Variants in DPP10 observed in about 807,000 individuals in gnomAD.
DPP10 encodes the protein inactive dipeptidyl peptidase 10.
In DPP10, 33 loss-of-function variants were observed where a neutral mutation model predicts 120.9. That is an observed-to-expected ratio of 0.27 (90% CI 0.21 to 0.37). The LOEUF (loss-of-function observed/expected upper bound fraction) is 0.37, where lower values mean the gene tolerates loss of function less well. DPP10 is among the 10% of genes least tolerant of loss of function. DPP10 has a pLI of 1.00. For synonymous variants in DPP10, 337 were observed against 326.1 expected, an observed-to-expected ratio of 1.03 and a Z score of -0.36; for missense variants, 816 against 942.8, an observed-to-expected ratio of 0.87 and a Z score of 1.76.
chr2:114,488,673 C>CT (rs1257646646), intron 1 of DPP10, among the ~76,000 whole-genome samples: 2 of 152,068 alleles, frequency 1.3e-5, no homozygotes, highest in Non-Finnish European at 2.9e-5. Flanking sequence ...TTATTTTGGC[C>CT]CAAGGATCTC....
chr2:115,024,993 T>C (rs1416578531), intron 1 of DPP10, among the ~76,000 whole-genome samples: 1 of 151,788 alleles, frequency 6.6e-6, no homozygotes, highest in Non-Finnish European at 1.5e-5. Flanking sequence ...CTTTAACATA[T>C]ACATATATTT....
rs370833735 is a variant in DPP10, at chr2:115,836,577, G to A, written c.2109+12G>A. The A allele has an allele frequency of 1.1e-5, 18 of 1,612,654 alleles. No homozygotes were observed. The highest frequency in any genetic ancestry group is 1.4e-5 in the Non-Finnish European group (16 of 1,179,604). On this transcript the variant is annotated intron_variant, in intron 23 of 25. Coordinates refer to ENST00000410059, the MANE Select transcript of DPP10 (RefSeq NM_020868.6). ...AAAGCACTTACCAGGTAACTAATTT[G>A]AAAATAACAAAGAAAGAGGAGTATT... is the stretch of plus-strand genomic sequence containing the variant.
intron 5 of DPP10, among the ~76,000 whole-genome samples, chr2:115,686,502 A>T (rs957887423): frequency 6.6e-6 from 1 of 152,078 alleles, no homozygotes; most frequent in Non-Finnish European, 1.5e-5. Flanking sequence ...TTGCTAATTC[A>T]GTGTTTATGC....
At chr2:115,090,267 C>T (rs774834135) in intron 1 of DPP10, among the ~76,000 whole-genome samples, 26 of 152,232 alleles carry the variant, frequency 1.7e-4, no homozygotes, top group Non-Finnish European at 2.6e-4. Context: ...ATTTATCATA[C>T]GACATTCTGG....
intron 1 of DPP10, among the ~76,000 whole-genome samples, chr2:115,104,396 T>C (rs1427017302): frequency 6.6e-6 from 1 of 152,100 alleles, no homozygotes. Context: ...TAGAGTGAGA[T>C]ATTACTTACA....
intron 1 of DPP10, among the ~76,000 whole-genome samples, chr2:114,617,550 T>C (rs1693765781): frequency 6.6e-6 from 1 of 152,100 alleles, no homozygotes; most frequent in Non-Finnish European, 1.5e-5. Flanking sequence ...TTAGGACTCA[T>C]GCTAAAATCA....
chr2:114,473,715 C>A (rs1680130545), intron 1 of DPP10, among the ~76,000 whole-genome samples: 3 of 152,126 alleles, frequency 2.0e-5, no homozygotes, highest in South Asian at 4.2e-4. Context: ...ACAATGTAAC[C>A]TTTAAATTGA....
intron 1 of DPP10, among the ~76,000 whole-genome samples, chr2:115,164,876 A>G (rs760396156): frequency 2.0e-5 from 3 of 152,190 alleles, no homozygotes; most frequent in Non-Finnish European, 2.9e-5. Context: ...CCGTGTAGGG[A>G]CCGTGTATTT....
At chr2:115,316,100 T>C (rs2061778603) in intron 2 of DPP10, among the ~76,000 whole-genome samples, 1 of 152,192 alleles carries the variant, frequency 6.6e-6, no homozygotes, top group Non-Finnish European at 1.5e-5. Flanking sequence ...TAAACATTTA[T>C]GTATATCTTT....
intron 3 of DPP10, among the ~76,000 whole-genome samples, chr2:115,381,796 G>A (rs543474865): frequency 2.6e-5 from 4 of 151,724 alleles, no homozygotes; most frequent in African/African-American, 7.3e-5. Context: ...CTGCAGGTCT[G>A]TTGGAGTACC....
chr2:114,904,769 G>A (rs1053066998), intron 1 of DPP10, among the ~76,000 whole-genome samples: 1 of 152,186 alleles, frequency 6.6e-6, no homozygotes, highest in African/African-American at 2.4e-5. Context: ...CAATTTGGCT[G>A]CAAATGTATT....
chr2:115,170,535 G>A (rs188164671), intron 1 of DPP10, among the ~76,000 whole-genome samples: 1 of 152,134 alleles, frequency 6.6e-6, no homozygotes, highest in Non-Finnish European at 1.5e-5. Context: ...ATTATGAATA[G>A]ATTTTCTATC....
intron 2 of DPP10, among the ~76,000 whole-genome samples, chr2:115,324,115 A>G (rs1434000890): frequency 6.6e-6 from 1 of 152,140 alleles, no homozygotes; most frequent in Admixed American, 6.6e-5. Context: ...ATCTCTACTA[A>G]AAATACAAAA....
At chr2:115,380,193 C>T (rs1038796217) in intron 3 of DPP10, among the ~76,000 whole-genome samples, 7 of 152,114 alleles carry the variant, frequency 4.6e-5, no homozygotes, top group African/African-American at 1.7e-4. Context: ...GTCTAAGTCT[C>T]TTTGTAGGTC....
At chr2:115,777,981 A>C (rs1682317442) in intron 15 of DPP10, 147 bp downstream of exon 15, 2 of 683,468 alleles carry the variant, frequency 2.9e-6, no homozygotes, top group Admixed American at 2.7e-5. Context: ...ACACTCTTGC[A>C]CCAGTCTCTC....
intron 1 of DPP10, among the ~76,000 whole-genome samples, chr2:114,977,066 T>A (rs955353196): frequency 2.0e-5 from 3 of 152,196 alleles, no homozygotes; most frequent in Non-Finnish European, 4.4e-5. Flanking sequence ...TTTATTATAT[T>A]AATATCTGTA....
chr2:115,437,138 T>C (rs2071571521), intron 3 of DPP10, among the ~76,000 whole-genome samples: 1 of 151,990 alleles, frequency 6.6e-6, no homozygotes, highest in African/African-American at 2.4e-5. Context: ...TCTGGCCTCT[T>C]ACATGATTTC....
chr2:114,563,063 A>G (rs1419111212), intron 1 of DPP10, among the ~76,000 whole-genome samples: 1 of 152,226 alleles, frequency 6.6e-6, no homozygotes, highest in Admixed American at 6.5e-5. Flanking sequence ...TCAAATTTCA[A>G]CGTTTGCATA....
chr2:114,722,519 G>GT (rs1376190211), intron 1 of DPP10, among the ~76,000 whole-genome samples: 2 of 152,212 alleles, frequency 1.3e-5, no homozygotes, highest in Non-Finnish European at 2.9e-5. Flanking sequence ...GCTCACGCCT[G>GT]TAATCCCAGC....
Sources: allele counts gnomAD v4.1 joint callset (sites outside exome capture counted in the v4.1 genomes callset), GRCh38; gene constraint gnomAD v4.1.1; transcripts MANE v1.5; gene names NCBI Gene and HGNC (gene_info 2026-07-23, HGNC 2026-07-21).